The following NKTR variants were observed in gnomAD, a reference collection of about 807,000 sequenced individuals.
NKTR encodes natural killer cell triggering receptor.
In NKTR, 67 loss-of-function variants were observed where a neutral mutation model predicts 156.3. The observed-to-expected ratio is 0.43, with a 90% confidence interval of 0.35 to 0.53. NKTR has a LOEUF of 0.53. Among genes scored for constraint, NKTR ranks in the 20% least tolerant of loss-of-function variants. The pLI, the probability that NKTR is intolerant of heterozygous loss-of-function variation, is 0.01. For synonymous variants in NKTR, 640 were observed against 596.6 expected, an observed-to-expected ratio of 1.07 and a Z score of -1.06; for missense variants, 1,604 against 1,730.9, an observed-to-expected ratio of 0.93 and a Z score of 1.30.
chr3:42,625,988 G>C (rs1279041758), intron 6 of NKTR, among the ~76,000 whole-genome samples: 1 of 152,074 alleles, frequency 6.6e-6, no homozygotes, highest in African/African-American at 2.4e-5. Context: ...TTGTCAAGTG[G>C]CTTGGTTAGT....
intron 6 of NKTR, among the ~76,000 whole-genome samples, chr3:42,622,984 A>G (rs1438890628): frequency 6.6e-6 from 1 of 152,040 alleles, no homozygotes; most frequent in African/African-American, 2.4e-5. Context: ...CAGCTTCTTG[A>G]TATTGTTACA....
rs1219022114 is a variant in NKTR at position 42,647,372 on chromosome 3, TC to T, written c.*1399del. The T allele has an allele frequency of 2.0e-5, 3 of 150,622 alleles. No individual in the cohort carries two copies. Among genetic ancestry groups the T allele is most frequent in the African/African-American group, 7.3e-5 (3 of 40,910 alleles). 9.3% of individuals were successfully genotyped at this position (150,622 alleles called of 1,614,324 possible). A position where few individuals can be genotyped will look rare whatever the true frequency, so the allele number is the denominator to read the frequency against. ...CTTAATCACCTTAGTGCCAGTTTAA[TC>T]CAGTTATGCAGAAGAAATTCATATT... On this transcript the variant is annotated 3_prime_UTR_variant, in exon 17 of 17. Transcript: ENST00000232978.
chr3:42,631,371 A>G, intron 8 of NKTR, 55 bp downstream of exon 8: 1 of 1,589,406 alleles, frequency 6.3e-7, no homozygotes, highest in Non-Finnish European at 8.6e-7. Context: ...GCATTGCTGA[A>G]GACTGTAACT....
chr3:42,639,886 C>G, intron 13 of NKTR, 136 bp downstream of exon 13: 1 of 740,614 alleles, frequency 1.4e-6, no homozygotes, highest in Middle Eastern at 2.5e-4. Context: ...TTGTGTGATT[C>G]AGAGAGTAGA....
intron 12 of NKTR, 153 bp downstream of exon 12, chr3:42,635,519 A>G (rs1428058961): frequency 2.5e-5 from 14 of 553,398 alleles, no homozygotes; most frequent in Non-Finnish European, 4.3e-5. Context: ...TACTTGATGA[A>G]AGTAGTACTG....
At chr3:42,610,240 G>A (rs576763223) in intron 2 of NKTR, among the ~76,000 whole-genome samples, 1 of 152,166 alleles carries the variant, frequency 6.6e-6, no homozygotes, top group East Asian at 1.9e-4. Flanking sequence ...CCGACCTCAG[G>A]TGATCCGCGC....
intron 1 of NKTR, 91 bp downstream of exon 1, chr3:42,600,869 C>G: frequency 1.7e-6 from 1 of 604,566 alleles, no homozygotes; most frequent in Non-Finnish European, 2.6e-6. Context: ...TGCGCTGTCG[C>G]GACGGGCCGG....
Position 42,634,621 on chromosome 3 carries a change from C to T in NKTR, c.938C>T (p.Pro313Leu). 1 of 1,550,588 alleles carries T rather than the reference C, an allele frequency of 6.4e-7. No homozygotes were observed. ...VVTAEPEPKIPDVAPIVSDQK... is the reference protein window; with the variant it reads ...VVTAEPEPKILDVAPIVSDQK... ...CAATCTTCTTTTCCTAGGAAGATTC[C>T]TGATGTTGCACCCATTGTAAGTGAT... Residue 313 changes from proline to leucine, a missense_variant, in exon 11 of 17, where the codon CCT (proline) becomes CTT (leucine). This residue lies in a region of NKTR where 1,255 missense variants were observed against 1,243.7 expected (regional missense o/e 1.01). Transcript: ENST00000232978.
rs150881873 is a variant in NKTR, at chr3:42,621,989, A to G, written c.374+473A>G. ...AGGCAATTTTGAGAGAGGTACTATT[A>G]TTTTCTGATGTTGTATAGAGATAGG... is the stretch of plus-strand genomic sequence containing the variant. On this transcript the variant is annotated intron_variant, in intron 6 of 16. Coordinates refer to ENST00000232978, the MANE Select transcript of NKTR (RefSeq NM_005385.4). Among the ~76,000 whole-genome samples, 369 of 151,910 alleles carry G rather than the reference A, an allele frequency of 2.4e-3. 2 individuals are homozygous for G. Among genetic ancestry groups the G allele is most frequent in the Non-Finnish European group, 3.6e-3 (243 of 67,844 alleles).
chr3:42,613,340 G>C (rs1707024772), intron 2 of NKTR, among the ~76,000 whole-genome samples: 1 of 152,112 alleles, frequency 6.6e-6, no homozygotes, highest in African/African-American at 2.4e-5. Context: ...AATAATATTT[G>C]AGTAAATGGC....
At chr3:42,632,560 C>A (rs778910108) in intron 8 of NKTR, 41 bp from the exon 9 acceptor site, 1 of 1,277,184 alleles carries the variant, frequency 7.8e-7, no homozygotes, top group Non-Finnish European at 1.1e-6. Context: ...AAGGTAGGCA[C>A]TGAATTTAGT....
intron 2 of NKTR, among the ~76,000 whole-genome samples, chr3:42,604,847 C>T (rs1364662027): frequency 4.0e-5 from 6 of 151,330 alleles, no homozygotes; most frequent in African/African-American, 1.5e-4. Flanking sequence ...AGCTACCATG[C>T]CTGGCTAATT....
At chr3:42,615,976 AACAGCT>A (rs1707328692) in intron 2 of NKTR, among the ~76,000 whole-genome samples, 1 of 152,094 alleles carries the variant, frequency 6.6e-6, no homozygotes, top group African/African-American at 2.4e-5. Context: ...AGGTTTTAAG[AACAGCT>A]ACAAAGTTTT....
At chr3:42,602,094 A>G (rs1008182419) in intron 2 of NKTR, 3 of 152,254 alleles carry the variant, frequency 2.0e-5, no homozygotes, top group South Asian at 2.1e-4. Flanking sequence ...GAAACAGCAC[A>G]GCCCTGAGGT....
chr3:42,619,809 T>C, intron 5 of NKTR, 101 bp downstream of exon 5: 1 of 1,544,600 alleles, frequency 6.5e-7, no homozygotes, highest in Non-Finnish European at 8.7e-7. Flanking sequence ...AGTTCACTTT[T>C]TGCATGAAAC....
Position 42,637,335 on chromosome 3 carries a change from A to G in NKTR, c.1631A>G (p.His544Arg). Reference protein sequence around the residue: ...RSRTASKSSSHSRSRSKSRSS... With the variant: ...RSRTASKSSSRSRSRSKSRSS... ...AGGACTGCGTCAAAGTCCTCATCACATTCTCGAAGTAGATCAAAGTCCAGA... is the reference window on the plus strand; with the variant it reads ...AGGACTGCGTCAAAGTCCTCATCACGTTCTCGAAGTAGATCAAAGTCCAGA... Residue 544 changes from histidine to arginine, a missense_variant, in exon 13 of 17, where the codon CAT becomes CGT. This residue lies in a region of NKTR where 1,255 missense variants were observed against 1,243.7 expected (regional missense o/e 1.01). Transcript: ENST00000232978. The G allele has an allele frequency of 6.2e-7, 1 of 1,614,182 alleles. No individual in the cohort carries two copies. The highest frequency in any genetic ancestry group is 8.5e-7 in the Non-Finnish European group (1 of 1,180,018).
At chr3:42,613,718 A>G (rs1208579205) in intron 2 of NKTR, among the ~76,000 whole-genome samples, 2 of 152,330 alleles carry the variant, frequency 1.3e-5, no homozygotes, top group South Asian at 2.1e-4. Flanking sequence ...ATCAGAATCT[A>G]CACCATGACA....
At position 42,648,042 on chromosome 3, in the gene NKTR, G is replaced by C. The variant is rs1470585999; in HGVS notation, c.*2067G>C. 1 of 152,142 alleles carries C rather than the reference G, an allele frequency of 6.6e-6. No individual in the cohort carries two copies. The highest frequency in any genetic ancestry group is 2.4e-5 in the African/African-American group (1 of 41,432). The allele number at this position is 152,142 out of a possible 1,614,324, so 9.4% of individuals were successfully genotyped here. A position where few individuals can be genotyped will look rare whatever the true frequency, so the allele number is the denominator to read the frequency against. Reference sequence around the variant, plus strand: ...TCAGTTCTTTGCTGGCTCTCAGCTGGAGGCCCCTCTCTCACCTCAAGGCTG... The same window carrying C: ...TCAGTTCTTTGCTGGCTCTCAGCTGCAGGCCCCTCTCTCACCTCAAGGCTG... On this transcript the variant is annotated 3_prime_UTR_variant, in exon 17 of 17. Coordinates refer to ENST00000232978, the MANE Select transcript of NKTR (RefSeq NM_005385.4).
chr3:42,618,881 T>C (rs1369620366), intron 3 of NKTR, 139 bp from the exon 4 acceptor site: 4 of 681,174 alleles, frequency 5.9e-6, no homozygotes, highest in Non-Finnish European at 4.8e-6. Flanking sequence ...TGTTAAATTA[T>C]CATGTCATCT....
Sources: allele counts gnomAD v4.1 joint callset (sites outside exome capture counted in the v4.1 genomes callset), GRCh38; gene constraint gnomAD v4.1.1; regional missense constraint gnomAD v4.1.1; transcripts MANE v1.5; gene names NCBI Gene and HGNC (gene_info 2026-07-23, HGNC 2026-07-21).